Variants in ELMO1 observed in about 807,000 individuals in gnomAD.
ELMO1 encodes the protein engulfment and cell motility 1, also known as engulfment and cell motility protein 1.
ELMO1 carries 26 observed loss-of-function variants against 98.9 expected under a neutral mutation model. The observed-to-expected ratio is 0.26, with a 90% CI of 0.19 to 0.36. The LOEUF is 0.36. ELMO1 is among the 10% of genes least tolerant of loss of function. The pLI is 1.00. For synonymous variants in ELMO1, 346 were observed against 346.0 expected (o/e 1.00, Z 0.00); for missense variants, 627 against 935.2 (o/e 0.67, Z 4.30).
chr7:37,166,095 AT>A (rs1408568339), intron 13 of ELMO1, among the ~76,000 whole-genome samples: 1 of 152,102 alleles, frequency 6.6e-6, no homozygotes, highest in Non-Finnish European at 1.5e-5. Context: ...GAATTTATCC[AT>A]TTCTTCTAGA....
intron 15 of ELMO1, among the ~76,000 whole-genome samples, chr7:37,086,564 G>A (rs1239796400): frequency 6.6e-6 from 1 of 151,584 alleles, no homozygotes; most frequent in African/African-American, 2.4e-5. Context: ...CCAGCATGGT[G>A]AAAACCCATC....
intron 15 of ELMO1, among the ~76,000 whole-genome samples, chr7:37,089,440 G>A (rs1783954539): frequency 6.6e-6 from 1 of 152,060 alleles, no homozygotes; most frequent in South Asian, 2.1e-4. Context: ...ACTGTTTCAA[G>A]GCTTCAATCA....
intron 15 of ELMO1, among the ~76,000 whole-genome samples, chr7:37,082,477 T>TCAGC (rs779764710): frequency 3.3e-5 from 5 of 151,984 alleles, no homozygotes; most frequent in Non-Finnish European, 7.4e-5. Flanking sequence ...GCCAGAGCAG[T>TCAGC]CAGCTTGCTC....
chr7:36,938,322 T>G (rs1461143103), intron 16 of ELMO1, among the ~76,000 whole-genome samples: 3 of 152,248 alleles, frequency 2.0e-5, no homozygotes, highest in Non-Finnish European at 4.4e-5. Context: ...AACAAGTTGC[T>G]GAAACCAAGC....
At chr7:37,184,560 A>G (rs1791083439) in intron 13 of ELMO1, among the ~76,000 whole-genome samples, 1 of 152,226 alleles carries the variant, frequency 6.6e-6, no homozygotes, top group Non-Finnish European at 1.5e-5. Context: ...TTGCAAGCCA[A>G]GGATTAAAAC....
chr7:37,059,485 T>C (rs1457035232), intron 15 of ELMO1, among the ~76,000 whole-genome samples: 2 of 152,224 alleles, frequency 1.3e-5, no homozygotes, highest in Admixed American at 6.5e-5. Context: ...TCCTCTTTCA[T>C]TGTGTGACAG....
At chr7:37,011,679 C>A (rs954491063) in intron 16 of ELMO1, among the ~76,000 whole-genome samples, 2 of 152,196 alleles carry the variant, frequency 1.3e-5, no homozygotes, top group East Asian at 1.9e-4. Flanking sequence ...CCTGGAGGAA[C>A]AGGTGTCCCC....
At chr7:37,045,622 G>T (rs1045827611) in intron 15 of ELMO1, among the ~76,000 whole-genome samples, 10 of 152,138 alleles carry the variant, frequency 6.6e-5, no homozygotes, top group Middle Eastern at 3.4e-3. Flanking sequence ...CCACTTATTT[G>T]AACTTGGGAG....
chr7:37,039,132 T>TA lies in ELMO1; in HGVS notation c.1301-25698dup, dbSNP rs746114829. 2.6e-3 allele frequency among the ~76,000 whole-genome samples: 386 copies of TA among 149,772 alleles called. 4 individuals are homozygous for TA. The highest frequency in any genetic ancestry group is 7.1e-3 in the African/African-American group (291 of 40,916). On this transcript the variant is annotated intron_variant, in intron 15 of 21. Transcript: ENST00000310758. Reference sequence around the variant, plus strand: ...GAAAATGAGTCACTGCTCCAATTTTTAAAAAAAAAAGATTTAGTTTGCAAG... The same window carrying TA: ...GAAAATGAGTCACTGCTCCAATTTTTAAAAAAAAAAAGATTTAGTTTGCAAG...
chr7:36,869,281 A>T (rs904188958), intron 20 of ELMO1, among the ~76,000 whole-genome samples: 1 of 152,206 alleles, frequency 6.6e-6, no homozygotes, highest in Non-Finnish European at 1.5e-5. Context: ...GAGTTATAGA[A>T]CTTAAGAAGG....
At chr7:37,354,549 G>A (rs1396305452) in intron 1 of ELMO1, among the ~76,000 whole-genome samples, 3 of 152,210 alleles carry the variant, frequency 2.0e-5, no homozygotes, top group Admixed American at 6.5e-5. Context: ...GCTCTCTTGC[G>A]CTTTGGGAAT....
At position 37,291,933 on chromosome 7, in the gene ELMO1, CCTCCCT is replaced by C. The variant is rs1237071835; in HGVS notation, c.193-20057_193-20052del. Among the ~76,000 whole-genome samples, 64 of 100,820 alleles carry C rather than the reference CCTCCCT, an allele frequency of 6.3e-4. 1 individual carries two copies. The highest frequency in any genetic ancestry group is 4.0e-3 in the Middle Eastern group (1 of 252). 66.1% of individuals were successfully genotyped at this position (100,820 alleles called of 152,430 possible). A position where few individuals can be genotyped will look rare whatever the true frequency, so the allele number is the denominator to read the frequency against. ...TCTGCTCCCTCTCCCTCCCCCTCCC[CCTCCCT>C]CTCCCTCTGCCCACGGTCTCCCTCT... On this transcript the variant is annotated intron_variant, in intron 4 of 21. Transcript: ENST00000310758.
At chr7:37,224,838 C>T in intron 9 of ELMO1, 41 bp downstream of exon 9, 1 of 1,604,230 alleles carries the variant, frequency 6.2e-7, no homozygotes, top group East Asian at 2.2e-5. Flanking sequence ...GGCCATCTTC[C>T]TGAAGCATTT....
intron 16 of ELMO1, among the ~76,000 whole-genome samples, chr7:36,917,716 C>G (rs988359950): frequency 3.9e-5 from 6 of 152,180 alleles, no homozygotes; most frequent in Admixed American, 2.0e-4. Flanking sequence ...TACATCACAT[C>G]TGGACCCCAG....
intron 16 of ELMO1, among the ~76,000 whole-genome samples, chr7:36,915,064 G>T (rs1784594720): frequency 6.6e-6 from 1 of 152,090 alleles, no homozygotes; most frequent in Admixed American, 6.5e-5. Context: ...AGCAATCCAG[G>T]TGTGCACCAC....
intron 1 of ELMO1, among the ~76,000 whole-genome samples, chr7:37,389,756 T>C (rs1802984658): frequency 6.6e-6 from 1 of 152,164 alleles, no homozygotes; most frequent in Admixed American, 6.5e-5. Context: ...GTCAGGAGTG[T>C]AGGGGAACCA....
intron 16 of ELMO1, 125 bp from the exon 17 acceptor site, chr7:36,895,142 G>T: frequency 9.2e-7 from 1 of 1,088,078 alleles, no homozygotes; most frequent in Non-Finnish European, 1.3e-6. Context: ...CATTAACCTT[G>T]AGCATGCTTT....
chr7:36,999,770 T>A (rs1792504407), intron 16 of ELMO1, among the ~76,000 whole-genome samples: 1 of 152,284 alleles, frequency 6.6e-6, no homozygotes, highest in Admixed American at 6.5e-5. Context: ...CCATGTCATC[T>A]TTGTGTGTGT....
chr7:37,229,918 T>C (rs758284371), intron 8 of ELMO1, among the ~76,000 whole-genome samples: 1 of 152,184 alleles, frequency 6.6e-6, no homozygotes, highest in Non-Finnish European at 1.5e-5. Context: ...TGAATTAATT[T>C]CAATGAATGA....
Sources: allele counts gnomAD v4.1 joint callset (sites outside exome capture counted in the v4.1 genomes callset), GRCh38; gene constraint gnomAD v4.1.1; transcripts MANE v1.5; gene names NCBI Gene and HGNC (gene_info 2026-07-23, HGNC 2026-07-21).